Variants in MEGF11 observed in about 807,000 individuals in gnomAD.
MEGF11 encodes the protein multiple EGF like domains 11, also known as multiple epidermal growth factor-like domains protein 11.
A neutral mutation model predicts 146.6 loss-of-function variants in MEGF11; 126 were observed. The ratio of observed to expected loss-of-function variants is 0.86; its 90% CI spans 0.74 to 1.00. MEGF11 has a LOEUF of 1.00. Ranked by LOEUF, MEGF11 falls within the 50% of genes least tolerant of loss-of-function variation. The pLI is 0.00. For synonymous variants in MEGF11, 532 were observed against 583.4 expected, an observed-to-expected ratio of 0.91 and a Z score of 1.27; for missense variants, 1,509 against 1,521.2, an observed-to-expected ratio of 0.99 and a Z score of 0.13.
chr15:65,999,398 T>TG (rs2082291017), intron 5 of MEGF11, among the ~76,000 whole-genome samples: 2 of 151,970 alleles, frequency 1.3e-5, no homozygotes, highest in African/African-American at 4.8e-5. Context: ...AAAAGCCCCC[T>TG]TATCCTTAAT....
Position 65,929,883 on chromosome 15 carries a change from C to T in MEGF11, c.1409G>A (p.Gly470Glu). ...CAGGGTGCAGTCCAGGCCCTGCCAC[C>T]CTGAGGGGAGGGAAAGGGACTGTCA... ...PVDGSCTCKE[G>E]WQGLDCTLPC... Residue 470 changes from glycine to glutamate, a missense_variant and splice_region_variant, in exon 12 of 26, where the codon GGG (glycine) becomes GAG (glutamate). Coordinates refer to ENST00000395614, the MANE Select transcript of MEGF11 (RefSeq NM_001385028.1). 6.3e-7 allele frequency: 1 copy of T among 1,595,400 alleles called. No individual in the cohort carries two copies. The highest frequency in any genetic ancestry group is 8.5e-7 in the Non-Finnish European group (1 of 1,170,902).
intron 10 of MEGF11, among the ~76,000 whole-genome samples, chr15:65,947,518 G>A (rs1326960021): frequency 6.6e-6 from 1 of 152,174 alleles, no homozygotes; most frequent in Non-Finnish European, 1.5e-5. Context: ...CTACAGGGTT[G>A]TTGTGAGGAT....
intron 1 of MEGF11, among the ~76,000 whole-genome samples, chr15:66,242,632 G>A (rs2092232572): frequency 6.6e-6 from 1 of 152,116 alleles, no homozygotes; most frequent in Non-Finnish European, 1.5e-5. Flanking sequence ...GTAGGAAAGG[G>A]CAAGCAAGAG....
chr15:66,169,595 G>T (rs2090191002), intron 1 of MEGF11, among the ~76,000 whole-genome samples: 1 of 152,234 alleles, frequency 6.6e-6, no homozygotes, highest in South Asian at 2.1e-4. Flanking sequence ...GTAAATTCTG[G>T]CTGTCTCAGC....
At chr15:66,195,283 A>T (rs7167452) in intron 1 of MEGF11, among the ~76,000 whole-genome samples, 1 of 152,228 alleles carries the variant, frequency 6.6e-6, no homozygotes, top group Non-Finnish European at 1.5e-5. Context: ...GGTATTGGGG[A>T]TTAGGACTTC....
In MEGF11 at chr15:65,900,612, TTC is replaced by T. The variant is rs144705346; in HGVS notation, c.3056-1680_3056-1679del. On this transcript the variant is annotated intron_variant, in intron 24 of 25. Transcript: ENST00000395614. ...CTCTGTGGTATAGGTAGAGCAATAA[TTC>T]TCTCTCTCCTTCTCCTCTCATTGCT... 9.3e-3 allele frequency among the ~76,000 whole-genome samples: 1,424 copies of T among 152,362 alleles called. 23 individuals carry two copies. The highest frequency in any genetic ancestry group is 0.032 in the African/African-American group (1,326 of 41,570).
intron 1 of MEGF11, among the ~76,000 whole-genome samples, chr15:66,171,405 A>C (rs2090251367): frequency 6.6e-6 from 1 of 151,430 alleles, no homozygotes; most frequent in Non-Finnish European, 1.5e-5. Context: ...GCTGGAGCAG[A>C]CGGAGGATGA....
At chr15:66,202,159 T>A (rs72625768) in intron 1 of MEGF11, among the ~76,000 whole-genome samples, 1 of 76,602 alleles carries the variant, frequency 1.3e-5, no homozygotes, top group South Asian at 3.7e-4. Flanking sequence ...CACACACACA[T>A]ACTCATCACA....
chr15:65,930,843 C>T lies in MEGF11; in HGVS notation c.1388G>A (p.Gly463Asp). The part of the protein sequence containing the change: ...NNGGTCSPVD[G>D]SCTCKEGWQG... ...ATTACCTTCCTTGCAGGTACAGGAG[C>T]CATCTACTGGGGAGCAGGTGCCACC... The change falls in exon 11 of 26, where the codon GGC becomes GAC. Residue 463 changes from glycine to aspartate, a missense_variant. Coordinates refer to ENST00000395614, the MANE Select transcript of MEGF11 (RefSeq NM_001385028.1). 1 of 1,610,374 alleles carries T rather than the reference C, an allele frequency of 6.2e-7. No individual in the cohort carries two copies. Among genetic ancestry groups the T allele is most frequent in the Non-Finnish European group, 8.5e-7 (1 of 1,178,160 alleles).
chr15:66,235,946 T>A (rs2092081669), intron 1 of MEGF11, among the ~76,000 whole-genome samples: 1 of 152,096 alleles, frequency 6.6e-6, no homozygotes, highest in Non-Finnish European at 1.5e-5. Flanking sequence ...TTTGACCAAG[T>A]CCCTCCTCCT....
intron 7 of MEGF11, among the ~76,000 whole-genome samples, chr15:65,971,563 T>A (rs1473212714): frequency 6.6e-6 from 1 of 152,198 alleles, no homozygotes; most frequent in Non-Finnish European, 1.5e-5. Flanking sequence ...CTCTCTTCCC[T>A]GCTGCGCTCC....
chr15:66,014,491 G>A (rs2082816440), intron 5 of MEGF11, among the ~76,000 whole-genome samples: 1 of 152,148 alleles, frequency 6.6e-6, no homozygotes, highest in Non-Finnish European at 1.5e-5. Flanking sequence ...CACTGGGTTT[G>A]CTCCAGAATT....
intron 3 of MEGF11, among the ~76,000 whole-genome samples, chr15:66,122,693 T>C (rs990881141): frequency 2.0e-5 from 3 of 152,266 alleles, no homozygotes; most frequent in African/African-American, 7.2e-5. Context: ...TTTTCCCCTG[T>C]ATTTTTCAAA....
intron 1 of MEGF11, among the ~76,000 whole-genome samples, chr15:66,186,387 C>T (rs1300899149): frequency 2.6e-5 from 4 of 152,110 alleles, no homozygotes; most frequent in African/African-American, 9.7e-5. Flanking sequence ...GGACCTCAAG[C>T]CTTAGAGGAA....
intron 1 of MEGF11, among the ~76,000 whole-genome samples, chr15:66,228,864 G>A (rs1372610539): frequency 6.6e-6 from 1 of 152,102 alleles, no homozygotes; most frequent in African/African-American, 2.4e-5. Context: ...AGCTGGAGGA[G>A]ACTGAGCTGG....
chr15:65,908,306 A>C (rs1408647803), intron 23 of MEGF11, among the ~76,000 whole-genome samples: 2 of 152,190 alleles, frequency 1.3e-5, no homozygotes, highest in African/African-American at 4.8e-5. Context: ...GTTGTCTGGT[A>C]TACCAAGGCC....
At chr15:65,976,624 A>G (rs1196688225) in intron 7 of MEGF11, among the ~76,000 whole-genome samples, 1 of 152,234 alleles carries the variant, frequency 6.6e-6, no homozygotes, top group Non-Finnish European at 1.5e-5. Flanking sequence ...CAGAACTGTG[A>G]GAATCAGTTT....
At chr15:66,156,520 C>G (rs530910988) in intron 1 of MEGF11, among the ~76,000 whole-genome samples, 1 of 152,132 alleles carries the variant, frequency 6.6e-6, no homozygotes, top group African/African-American at 2.4e-5. Flanking sequence ...GCCCTGTGCT[C>G]GGCCACCACT....
At chr15:65,994,349 G>A (rs568049418) in intron 5 of MEGF11, among the ~76,000 whole-genome samples, 18 of 152,152 alleles carry the variant, frequency 1.2e-4, no homozygotes, top group Non-Finnish European at 2.2e-4. Flanking sequence ...TGGTACTGTG[G>A]GCCACACCCC....
Sources: gnomAD v4.1 joint callset for allele counts (sites outside exome capture counted in the v4.1 genomes callset) on GRCh38, gnomAD v4.1.1 for gene constraint, MANE v1.5 for transcripts, NCBI Gene and HGNC (gene_info 2026-07-23, HGNC 2026-07-21) for gene names.